DNAH17: variants seen among roughly 807,000 people sequenced by gnomAD.
The protein encoded by DNAH17 is axonemal beta dynein heavy chain 17.
A neutral mutation model predicts 485.6 loss-of-function variants in DNAH17; 376 were observed. The observed-to-expected ratio is 0.77, with a 90% CI of 0.71 to 0.84. The LOEUF is 0.84. DNAH17 is among the 40% of genes least tolerant of loss of function. The probability of loss-of-function intolerance (pLI) is 0.00; values close to 1 mark genes in which losing one functional copy is unlikely to be tolerated. For synonymous variants in DNAH17, 3,031 were observed against 2,405.9 expected (o/e 1.26, Z -7.60); for missense variants, 6,370 against 5,839.3 (o/e 1.09, Z -2.96).
intron 58 of DNAH17, 22 bp from the exon 59 acceptor site, chr17:78,460,279 G>C: frequency 1.3e-6 from 2 of 1,567,064 alleles, no homozygotes; most frequent in Non-Finnish European, 1.7e-6. Flanking sequence ...ATGGACAGGA[G>C]AGGTTACTGC....
intron 17 of DNAH17, chr17:78,543,625 A>C (rs1055456752): frequency 1.3e-5 from 8 of 598,602 alleles, no homozygotes; most frequent in Middle Eastern, 4.1e-4. Flanking sequence ...GGGTTTCACC[A>C]CGTTGGTCAA....
At chr17:78,507,981 T>C (rs922433975) in intron 27 of DNAH17, among the ~76,000 whole-genome samples, 176 bp from the exon 28 acceptor site, 1 of 152,132 alleles carries the variant, frequency 6.6e-6, no homozygotes, top group African/African-American at 2.4e-5. Context: ...CCCCCAATGA[T>C]GGATGCATGC....
chr17:78,500,842 G>A (rs113492698), intron 35 of DNAH17: 4,883 of 236,306 alleles, frequency 0.021, 227 homozygotes, highest in African/African-American at 0.1. Flanking sequence ...GTGTGAAGGA[G>A]GAACCACAAC....
rs368053638 is a variant in DNAH17 at position 78,530,353 on chromosome 17, C to T, written c.3274G>A (p.Val1092Ile). 66 of 1,607,386 alleles carry T rather than the reference C, an allele frequency of 4.1e-5. No individual in the cohort carries two copies. The highest frequency in any genetic ancestry group is 2.8e-4 in the African/African-American group (21 of 74,840). ...TGGCTGGGGACCCACCTGTTGGTGACGTGGTTGCTCAGGTGCCGCTTGAAC... is the reference window on the plus strand; with the variant it reads ...TGGCTGGGGACCCACCTGTTGGTGATGTGGTTGCTCAGGTGCCGCTTGAAC... ...FMFKRHLSNH[V>I]TNSLADLEAF... The change falls in exon 21 of 81, where the codon GTC (valine) becomes ATC (isoleucine). Residue 1092 changes from valine (V) to isoleucine (I), a missense_variant. Val to Ile is a conservative substitution (Grantham distance 29, BLOSUM62 3). Coordinates refer to ENST00000389840, the MANE Select transcript of DNAH17 (RefSeq NM_173628.4).
chr17:78,441,271 G>C, intron 71 of DNAH17, 72 bp from the exon 72 acceptor site: 1 of 1,564,164 alleles, frequency 6.4e-7, no homozygotes, highest in Non-Finnish European at 8.7e-7. Flanking sequence ...GGGGTGGGCT[G>C]TGGCCCAGGC....
chr17:78,500,243 T>A (rs2090228776), intron 36 of DNAH17, 62 bp downstream of exon 36: 1 of 1,520,218 alleles, frequency 6.6e-7, no homozygotes, highest in Admixed American at 2.1e-5. Context: ...GAGGACAGGG[T>A]GCTAGGATCT....
At position 78,450,724 on chromosome 17, in the gene DNAH17, A is replaced by G. The variant is rs1273829317; in HGVS notation, c.10857T>C (p.Asn3619=). The G allele has an allele frequency of 1.9e-6, 3 of 1,613,862 alleles. No homozygotes were observed. The highest frequency in any genetic ancestry group is 1.7e-5 in the Admixed American group (1 of 60,008). Residue 3619 remains asparagine, a synonymous_variant, in exon 67 of 81, where the codon AAT becomes AAC. Coordinates refer to ENST00000389840, the MANE Select transcript of DNAH17 (RefSeq NM_173628.4). ...NFLGDTALVE[N]LETTKHTASE... is the part of the protein sequence containing the mutation. ...TGGCTGTGTGCTTGGTGGTCTCCAG[A>G]TTCTCCACCAAGGCCGTGTCTCCCA...
chr17:78,438,426 AGGAGGAGGAGGAGGAGGAG>A (rs2086927593), intron 73 of DNAH17, among the ~76,000 whole-genome samples: 7 of 1,752 alleles, frequency 4.0e-3, no homozygotes, highest in Admixed American at 7.2e-3. Flanking sequence ...AGTGAGGAGA[AGGAGGAGGAGGAGGAGGAG>A]GGAGGAGGGA....
At chr17:78,480,013 CTTTTTTTTTTTT>C (rs370344478) in intron 49 of DNAH17, among the ~76,000 whole-genome samples, 37 of 70,540 alleles carry the variant, frequency 5.2e-4, no homozygotes, top group African/African-American at 1.5e-3. Flanking sequence ...ACAACAAGTA[CTTTTTTTTTTTT>C]TTTTTTTTTT....
chr17:78,444,935 G>A, intron 70 of DNAH17, 138 bp from the exon 71 acceptor site: 1 of 870,984 alleles, frequency 1.1e-6, no homozygotes, highest in Non-Finnish European at 1.7e-6. Flanking sequence ...AGCCCGAGAG[G>A]CTGGCCACCA....
At chr17:78,541,643 C>G (rs1295649316) in intron 17 of DNAH17, among the ~76,000 whole-genome samples, 1 of 152,002 alleles carries the variant, frequency 6.6e-6, no homozygotes, top group African/African-American at 2.4e-5. Context: ...AGTTGGGGAA[C>G]AGAATAGGCT....
chr17:78,484,741 C>CCCCCAG (rs2146641285), intron 48 of DNAH17, 127 bp downstream of exon 48: 28 of 370,128 alleles, frequency 7.6e-5, no homozygotes, highest in Admixed American at 1.4e-4. Context: ...GTTGCAGCAC[C>CCCCCAG]CCCCCCACCG....
At chr17:78,548,502 C>G (rs938948690) in intron 16 of DNAH17, among the ~76,000 whole-genome samples, 4 of 152,200 alleles carry the variant, frequency 2.6e-5, no homozygotes, top group Non-Finnish European at 4.4e-5. Context: ...CTGCACCCGG[C>G]CACGGCCTTT....
chr17:78,450,880 C>G, intron 66 of DNAH17, 34 bp from the exon 67 acceptor site: 1 of 1,607,408 alleles, frequency 6.2e-7, no homozygotes, highest in Non-Finnish European at 8.5e-7. Context: ...ACTGCATTGC[C>G]TGGCTCTGTC....
chr17:78,524,888 A>G, intron 25 of DNAH17, 121 bp downstream of exon 25: 1 of 1,404,442 alleles, frequency 7.1e-7, no homozygotes, highest in Non-Finnish European at 9.5e-7. Context: ...TCCACCCAAC[A>G]CCAGAAACCT....
At chr17:78,509,488 G>A (rs981904400) in intron 27 of DNAH17, among the ~76,000 whole-genome samples, 1 of 152,138 alleles carries the variant, frequency 6.6e-6, no homozygotes, top group African/African-American at 2.4e-5. Flanking sequence ...CAGGCGAACT[G>A]TATGGTATGT....
In DNAH17 at chr17:78,509,030, G is replaced by C. The variant is rs934129549; in HGVS notation, c.4237-1225C>G. On this transcript the variant is annotated intron_variant, in intron 27 of 80. Coordinates refer to ENST00000389840, the MANE Select transcript of DNAH17 (RefSeq NM_173628.4). ...CACCCAGGCTGGACTGCAGTGGCGC[G>C]ATCTCAGCTCACTGCAACTTCTCCC... Among the ~76,000 whole-genome samples, 14 of 125,542 alleles carry C rather than the reference G, an allele frequency of 1.1e-4. 2 individuals carry two copies. Among genetic ancestry groups the C allele is most frequent in the Admixed American group, 7.7e-5 (1 of 12,980 alleles). 82.4% of individuals were successfully genotyped at this position (125,542 alleles called of 152,430 possible). A position where few individuals can be genotyped will look rare whatever the true frequency, so the allele number is the denominator to read the frequency against.
At position 78,468,238 on chromosome 17, in the gene DNAH17, G is replaced by A. The variant is rs895483071; in HGVS notation, c.8778+379C>T. The stretch of plus-strand genomic sequence containing the variant: ...TACATAGCATTCTACATTATATTAG[G>A]TATTATAAGTAATCTAGAGATGATT... On this transcript the variant is annotated intron_variant, in intron 55 of 80. Transcript: ENST00000389840. Among the ~76,000 whole-genome samples the A allele has an allele frequency of 1.3e-3, 194 of 152,112 alleles. 1 individual carries two copies. The highest frequency in any genetic ancestry group is 9.4e-4 in the Non-Finnish European group (64 of 68,004).
Position 78,497,610 on chromosome 17 carries a change from C to G in DNAH17, c.5745+1398G>C, listed in dbSNP as rs8067207. Among the ~76,000 whole-genome samples the G allele has an allele frequency of 2.0e-5, 3 of 152,208 alleles. No individual in the cohort carries two copies. In the South Asian group the frequency reaches 6.2e-4, roughly 32 times the overall value. On this transcript the variant is annotated intron_variant, in intron 37 of 80. Transcript: ENST00000389840. ...GCAAGGGAGAGGGTCCCCACGGTAA[C>G]AGCCAGCACTGCCCATGGTTTGGGG...
Sources: allele counts gnomAD v4.1 joint callset (sites outside exome capture counted in the v4.1 genomes callset), GRCh38; gene constraint gnomAD v4.1.1; transcripts MANE v1.5; gene names NCBI Gene and HGNC (gene_info 2026-07-23, HGNC 2026-07-21).